PIEZO2: variants seen among roughly 807,000 people sequenced by gnomAD.
PIEZO2 encodes piezo type mechanosensitive ion channel component 2, also known as piezo-type mechanosensitive ion channel component 2.
A neutral mutation model predicts 337.3 loss-of-function variants in PIEZO2; 172 were observed. The ratio of observed to expected loss-of-function variants is 0.51; its 90% confidence interval spans 0.45 to 0.58. The LOEUF (loss-of-function observed/expected upper bound fraction) is 0.58. Ranked by LOEUF, PIEZO2 falls within the 20% of genes least tolerant of loss-of-function variation. The pLI is 0.00. For missense variants in PIEZO2, 3,028 were observed against 3,391.3 expected (o/e 0.89, Z 2.66); for synonymous variants, 1,251 against 1,228.5 (o/e 1.02, Z -0.38).
At chr18:10,696,007 G>A (rs551686674) in intron 47 of PIEZO2, 67 bp downstream of exon 47, 13 of 1,443,718 alleles carry the variant, frequency 9.0e-6, no homozygotes, top group South Asian at 3.5e-5. Flanking sequence ...CAATGCATGC[G>A]AGTATCACCT....
chr18:10,823,075 C>G (rs1490794416), intron 7 of PIEZO2, among the ~76,000 whole-genome samples: 1 of 152,108 alleles, frequency 6.6e-6, no homozygotes, highest in Non-Finnish European at 1.5e-5. Context: ...CATTTTATGA[C>G]CTTAGAGCTA....
At chr18:11,013,540 A>G (rs1692076710) in intron 2 of PIEZO2, among the ~76,000 whole-genome samples, 1 of 152,228 alleles carries the variant, frequency 6.6e-6, no homozygotes, top group Non-Finnish European at 1.5e-5. Context: ...TCACCGTTCT[A>G]TCAACTCAAA....
intron 35 of PIEZO2, among the ~76,000 whole-genome samples, chr18:10,732,425 T>C (rs1316303943): frequency 1.3e-5 from 2 of 152,232 alleles, no homozygotes; most frequent in Non-Finnish European, 2.9e-5. Flanking sequence ...TCTATAGTAT[T>C]TTCAGATTTC....
At chr18:10,756,543 G>T (rs145913355) in intron 27 of PIEZO2, among the ~76,000 whole-genome samples, 140 of 145,766 alleles carry the variant, frequency 9.6e-4, no homozygotes, top group African/African-American at 3.5e-3. Context: ...ATGAGTAGGA[G>T]AAATGAGGGA....
chr18:10,855,689 T>G lies in PIEZO2; in HGVS notation c.704-123A>C. On this transcript the variant is annotated intron_variant, in intron 6 of 55. Transcript: ENST00000674853. This position sits in a 1 kb window ranked among gnomAD's most constrained non-coding sequence, Gnocchi z 4.9. ...AGTGTTTTTAGGTTTTTTAAAATAGTAATTTTTAAAAATCATGTTTGATTT... is the reference window on the plus strand; with the variant it reads ...AGTGTTTTTAGGTTTTTTAAAATAGGAATTTTTAAAAATCATGTTTGATTT... The G allele has an allele frequency of 3.9e-6, 3 of 761,362 alleles. No individual in the cohort carries two copies. In the South Asian group the frequency reaches 6.2e-5, roughly 16 times the overall value. 47.2% of individuals were successfully genotyped at this position (761,362 alleles called of 1,614,324 possible). A position where few individuals can be genotyped will look rare whatever the true frequency, so the allele number is the denominator to read the frequency against.
At chr18:10,985,067 CTA>C (rs2034817777) in intron 2 of PIEZO2, among the ~76,000 whole-genome samples, 1 of 151,948 alleles carries the variant, frequency 6.6e-6, no homozygotes, top group Admixed American at 6.6e-5. Flanking sequence ...TAGAACTGCC[CTA>C]TAAGAAACGC....
intron 7 of PIEZO2, among the ~76,000 whole-genome samples, chr18:10,841,947 G>A (rs1314915723): frequency 6.6e-6 from 1 of 152,110 alleles, no homozygotes; most frequent in Non-Finnish European, 1.5e-5. Flanking sequence ...CACTAGGTCA[G>A]GAGATCAAGA....
At position 10,903,643 on chromosome 18, in the gene PIEZO2, A is replaced by G. The variant is rs1246152097; in HGVS notation, c.329+7543T>C. ...AGCCGAGATCACACCACTGCACTCCAGCCTGGGCGACAGAGCAAGACTCCA... is the reference window on the plus strand; with the variant it reads ...AGCCGAGATCACACCACTGCACTCCGGCCTGGGCGACAGAGCAAGACTCCA... On this transcript the variant is annotated intron_variant, in intron 4 of 55. Transcript: ENST00000674853. This position sits in a 1 kb window ranked among gnomAD's most constrained non-coding sequence, Gnocchi z 4.1. Among the ~76,000 whole-genome samples the G allele has an allele frequency of 6.6e-6, 1 of 152,100 alleles. No homozygotes were observed. Among genetic ancestry groups the G allele is most frequent in the Non-Finnish European group, 1.5e-5 (1 of 68,012 alleles).
At chr18:10,736,853 A>G (rs770766649) in intron 33 of PIEZO2, 143 bp from the exon 34 acceptor site, 2 of 906,762 alleles carry the variant, frequency 2.2e-6, no homozygotes, top group Non-Finnish European at 3.2e-6. Flanking sequence ...AAAACACACA[A>G]GATGAAGAGA....
chr18:10,924,243 A>C (rs2145152656), intron 3 of PIEZO2, among the ~76,000 whole-genome samples: 1 of 152,178 alleles, frequency 6.6e-6, no homozygotes, highest in African/African-American at 2.4e-5. Flanking sequence ...AATTTGGCGC[A>C]CCGTTATGTT....
intron 1 of PIEZO2, among the ~76,000 whole-genome samples, chr18:11,087,653 T>C (rs1450835954): frequency 1.3e-5 from 2 of 152,174 alleles, no homozygotes; most frequent in Non-Finnish European, 2.9e-5. Context: ...CACTCTGCAT[T>C]TTCCTTCCCT....
Position 10,855,310 on chromosome 18 carries a change from G to A in PIEZO2, c.917+43C>T, listed in dbSNP as rs1488489387. 4 of 1,474,500 alleles carry A rather than the reference G, an allele frequency of 2.7e-6. No homozygotes were observed. The highest frequency in any genetic ancestry group is 2.8e-6 in the Non-Finnish European group (3 of 1,090,660). The allele number at this position is 1,474,500 out of a possible 1,614,324, so 91.3% of individuals were successfully genotyped here. A position where few individuals can be genotyped will look rare whatever the true frequency, so the allele number is the denominator to read the frequency against. ...GCCAAACCAAGGTCCCAAAGGCGTG[G>A]GGGGACAACCTCTCCTGGAAATGCC... is the stretch of plus-strand genomic sequence containing the variant. On this transcript the variant is annotated intron_variant, in intron 7 of 55. Coordinates refer to ENST00000674853, the MANE Select transcript of PIEZO2 (RefSeq NM_001378183.1). This position sits in a 1 kb window ranked among gnomAD's most constrained non-coding sequence, Gnocchi z 4.9.
At chr18:11,139,110 C>T (rs938960669) in intron 1 of PIEZO2, among the ~76,000 whole-genome samples, 32 of 152,142 alleles carry the variant, frequency 2.1e-4, no homozygotes, top group African/African-American at 7.5e-4. Flanking sequence ...TACCGTATGT[C>T]GGGCACTGCT....
rs1291784174 is a variant in PIEZO2 at position 10,953,719 on chromosome 18, A to T, written c.286+25816T>A. On this transcript the variant is annotated intron_variant, in intron 3 of 55. Transcript: ENST00000674853. The surrounding 1 kb of genome is among the most constrained non-coding windows in gnomAD (Gnocchi z 5.2). ...TTGAACACATCGCAACACTGGGCAG[A>T]TAGATGGGCAGCATTTTATTACCCA... 1.3e-5 allele frequency among the ~76,000 whole-genome samples: 2 copies of T among 152,156 alleles called. No homozygotes were observed. Among genetic ancestry groups the T allele is most frequent in the Non-Finnish European group, 2.9e-5 (2 of 68,028 alleles).
At chr18:10,715,915 C>G in intron 37 of PIEZO2, 99 bp from the exon 38 acceptor site, 1 of 975,200 alleles carries the variant, frequency 1.0e-6, no homozygotes, top group Non-Finnish European at 1.5e-6. Context: ...GGACCTGGCT[C>G]TTGGCCCGTG....
At position 10,727,425 on chromosome 18, in the gene PIEZO2, G is replaced by C. The variant is rs2036586101; in HGVS notation, c.5029+3982C>G. 1 of 153,222 alleles carries C rather than the reference G, an allele frequency of 6.5e-6. No individual in the cohort carries two copies. The highest frequency in any genetic ancestry group is 1.5e-5 in the Non-Finnish European group (1 of 68,606). 9.5% of individuals were successfully genotyped at this position (153,222 alleles called of 1,614,324 possible). A position where few individuals can be genotyped will look rare whatever the true frequency, so the allele number is the denominator to read the frequency against. ...CTGGGGTGATTGATGGCCTGAGCTT[G>C]GGGTACTACCTGGGGTAGTAGAGAC... On this transcript the variant is annotated intron_variant, in intron 36 of 55. Transcript: ENST00000674853. This position sits in a 1 kb window ranked among gnomAD's most constrained non-coding sequence, Gnocchi z 6.3.
rs2038284961 is a variant in PIEZO2, at chr18:11,070,138, C to T, written c.65-3916G>A. Among the ~76,000 whole-genome samples, 1 of 152,194 alleles carries T rather than the reference C, an allele frequency of 6.6e-6. No individual in the cohort carries two copies. Among genetic ancestry groups the T allele is most frequent in the Non-Finnish European group, 1.5e-5 (1 of 68,040 alleles). On this transcript the variant is annotated intron_variant, in intron 1 of 55. Transcript: ENST00000674853. This position sits in a 1 kb window ranked among gnomAD's most constrained non-coding sequence, Gnocchi z 4.3. ...AACAAAGATGGTATGCCCTACTGCACACCTAGACATATGGTGTAGCCTACT... is the reference window on the plus strand; with the variant it reads ...AACAAAGATGGTATGCCCTACTGCATACCTAGACATATGGTGTAGCCTACT...
chr18:10,774,178 C>T (rs937044642), intron 18 of PIEZO2, 140 bp from the exon 19 acceptor site: 1 of 643,294 alleles, frequency 1.6e-6, no homozygotes, highest in African/African-American at 1.8e-5. Context: ...CGCCCTAATG[C>T]CAAATGCATT....
intron 14 of PIEZO2, 137 bp from the exon 15 acceptor site, chr18:10,789,502 C>T: frequency 2.0e-6 from 2 of 1,022,626 alleles, no homozygotes; most frequent in Non-Finnish European, 1.4e-6. Context: ...AGACTATTCT[C>T]ATAAACTCAG....
Sources: allele counts gnomAD v4.1 joint callset (sites outside exome capture counted in the v4.1 genomes callset), GRCh38; gene constraint gnomAD v4.1.1; non-coding constraint Gnocchi (gnomAD v3.1); transcripts MANE v1.5; gene names NCBI Gene and HGNC (gene_info 2026-07-23, HGNC 2026-07-21).